CDKL1: variants seen among roughly 807,000 people sequenced by gnomAD.
The protein encoded by CDKL1 is cyclin-dependent kinase-like 1.
In CDKL1, 41 loss-of-function variants were observed where a neutral mutation model predicts 42.0. That is an observed-to-expected ratio of 0.98 (90% CI 0.76 to 1.27). CDKL1 has a LOEUF of 1.27. Among genes scored for constraint, CDKL1 ranks in the 50% most tolerant of loss-of-function variants. The pLI is 0.00. For missense variants in CDKL1, 394 were observed against 428.4 expected (o/e 0.92, Z 0.71); for synonymous variants, 153 against 158.6 (o/e 0.96, Z 0.26).
At position 50,367,621 on chromosome 14, in the gene CDKL1, G is replaced by A. The variant is rs527538315; in HGVS notation, c.169-8472C>T. 7.9e-5 allele frequency among the ~76,000 whole-genome samples: 12 copies of A among 152,302 alleles called. 1 individual carries two copies. In the South Asian group the frequency reaches 1.2e-3, roughly 16 times the overall value. ...TTACAGGCTTACCCAACATGTTCAC[G>A]GTACATACAAGTAAACTTAATAGAC... On this transcript the variant is annotated intron_variant, in intron 2 of 9. Coordinates refer to ENST00000395834, the MANE Select transcript of CDKL1 (RefSeq NM_004196.7).
At chr14:50,340,552 G>A (rs569030218) in intron 6 of CDKL1, among the ~76,000 whole-genome samples, 3 of 152,172 alleles carry the variant, frequency 2.0e-5, no homozygotes, top group Non-Finnish European at 2.9e-5. Flanking sequence ...AAAGCAAGAC[G>A]GACTGAGTGA....
At chr14:50,387,407 C>T (rs746234579) in intron 2 of CDKL1, among the ~76,000 whole-genome samples, 13 of 151,966 alleles carry the variant, frequency 8.6e-5, no homozygotes, top group Non-Finnish European at 1.9e-4. Flanking sequence ...CCTGTAATCC[C>T]AGCTACTCAG....
intron 2 of CDKL1, among the ~76,000 whole-genome samples, chr14:50,360,981 T>C (rs1418399202): frequency 6.6e-6 from 1 of 152,232 alleles, no homozygotes; most frequent in Non-Finnish European, 1.5e-5. Flanking sequence ...CTTTTAGCTA[T>C]CGTGAATAAT....
intron 7 of CDKL1, 145 bp from the exon 8 acceptor site, chr14:50,334,766 T>C (rs2033161791): frequency 3.2e-6 from 2 of 621,386 alleles, no homozygotes; most frequent in East Asian, 2.8e-5. Context: ...CCCAAAACAG[T>C]CTCCCTTTGC....
chr14:50,341,468 G>A (rs917045895), intron 5 of CDKL1, among the ~76,000 whole-genome samples: 19 of 144,608 alleles, frequency 1.3e-4, no homozygotes, highest in African/African-American at 4.5e-4. Context: ...GGGGGGGGGG[G>A]GGGGTTATTT....
At chr14:50,337,617 G>A (rs1424571315) in intron 7 of CDKL1, among the ~76,000 whole-genome samples, 1 of 151,450 alleles carries the variant, frequency 6.6e-6, no homozygotes, top group East Asian at 1.9e-4. Flanking sequence ...TGTCTCCTGA[G>A]TTGCTAGAAT....
Position 50,332,273 on chromosome 14 carries a change from C to T in CDKL1, c.955G>A (p.Glu319Lys), listed in dbSNP as rs763854173. 13 of 1,614,038 alleles carry T rather than the reference C, an allele frequency of 8.1e-6. No individual in the cohort carries two copies. In the East Asian group the frequency reaches 2.9e-4, roughly 36 times the overall value. Residue 319 changes from glutamate to lysine, a missense_variant, in exon 9 of 10, where the codon GAA (glutamate) becomes AAA (lysine). Coordinates refer to ENST00000395834, the MANE Select transcript of CDKL1 (RefSeq NM_004196.7). ...RKSRKHHCFTETSKLQYLPQL... is the reference protein window; with the variant it reads ...RKSRKHHCFTKTSKLQYLPQL... Reference sequence around the variant, plus strand: ...TTTCAAATTATAACCTTGGATGTTTCTGTAAAGCAGTGGTGCTTTCGGCTC... The same window carrying T: ...TTTCAAATTATAACCTTGGATGTTTTTGTAAAGCAGTGGTGCTTTCGGCTC...
chr14:50,339,282 CT>C (rs1267334528), intron 6 of CDKL1, among the ~76,000 whole-genome samples: 4 of 152,162 alleles, frequency 2.6e-5, no homozygotes, highest in Non-Finnish European at 4.4e-5. Flanking sequence ...CTCTCAGGTT[CT>C]TGTTCTCAGA....
At chr14:50,383,512 C>T (rs2034982652) in intron 2 of CDKL1, among the ~76,000 whole-genome samples, 1 of 148,866 alleles carries the variant, frequency 6.7e-6, no homozygotes, top group Non-Finnish European at 1.5e-5. Context: ...GAGATTGTGC[C>T]ACTACACTCC....
intron 6 of CDKL1, among the ~76,000 whole-genome samples, chr14:50,340,692 A>C (rs920035820): frequency 2.6e-5 from 4 of 152,234 alleles, no homozygotes; most frequent in Admixed American, 2.6e-4. Flanking sequence ...CGTCATAAAC[A>C]AGGTAAACCA....
upstream of CDKL1, chr14:50,397,023 G>C (rs1377451268): frequency 8.1e-7 from 1 of 1,234,572 alleles, no homozygotes; most frequent in South Asian, 1.3e-5. Flanking sequence ...AAAGGCCTCG[G>C]AGGGCCGCCC....
At chr14:50,382,059 T>A (rs2034925370) in intron 2 of CDKL1, among the ~76,000 whole-genome samples, 1 of 152,222 alleles carries the variant, frequency 6.6e-6, no homozygotes, top group East Asian at 1.9e-4. Flanking sequence ...TTAAGGTTAA[T>A]AAGCAATAAA....
At chr14:50,380,257 G>A (rs769353399) in intron 2 of CDKL1, 1 of 530,122 alleles carries the variant, frequency 1.9e-6, no homozygotes, top group Non-Finnish European at 3.9e-6. Context: ...AAAATGCAGT[G>A]ATGAGTACCA....
chr14:50,396,321 G>GTCAC lies in CDKL1; in HGVS notation c.-457_-454dup. 1 of 1,008,428 alleles carries GTCAC rather than the reference G, an allele frequency of 9.9e-7. No individual in the cohort carries two copies. 62.5% of individuals were successfully genotyped at this position (1,008,428 alleles called of 1,614,324 possible). On this transcript the variant is annotated 5_prime_UTR_variant, in exon 2 of 10. Transcript: ENST00000395834. The stretch of plus-strand genomic sequence containing the variant: ...GAGCCCCACCCAACGATGAGTGTTT[G>GTCAC]TCACGGTCCTAGAACAGAACAGCAC...
At chr14:50,367,811 C>G (rs1356320813) in intron 2 of CDKL1, among the ~76,000 whole-genome samples, 2 of 152,186 alleles carry the variant, frequency 1.3e-5, no homozygotes, top group African/African-American at 2.4e-5. Flanking sequence ...GTATCACCGT[C>G]CTTCAGTTAA....
At chr14:50,394,588 C>T (rs906389422) in intron 2 of CDKL1, among the ~76,000 whole-genome samples, 1 of 152,194 alleles carries the variant, frequency 6.6e-6, no homozygotes, top group Non-Finnish European at 1.5e-5. Context: ...TTTCATTCAT[C>T]TGTCTCTCAT....
rs1457783597 is a variant in CDKL1 at position 50,332,396 on chromosome 14, A to T, written c.832T>A (p.Cys278Ser). Residue 278 changes from cysteine to serine, a missense_variant, in exon 9 of 10, where the codon TGT becomes AGT. By Grantham distance (112) the Cys-to-Ser change is moderately radical. Transcript: ENST00000395834. ...LHMDPTQRLT[C>S]EQLLHHPYFE... ...TATGGGTGATGCAACAGCTGTTCAC[A>T]TGTCAGCCTTTGAGTAGGGTCCATG... 6.2e-7 allele frequency: 1 copy of T among 1,614,126 alleles called. No individual in the cohort carries two copies.
At chr14:50,359,267 G>A in intron 2 of CDKL1, 118 bp from the exon 3 acceptor site, 2 of 1,206,352 alleles carry the variant, frequency 1.7e-6, no homozygotes, top group Non-Finnish European at 2.3e-6. Flanking sequence ...TAGATTGAAG[G>A]AGGCTGTAAA....
At chr14:50,382,836 G>T (rs2034956402) in intron 2 of CDKL1, among the ~76,000 whole-genome samples, 1 of 152,090 alleles carries the variant, frequency 6.6e-6, no homozygotes, top group Non-Finnish European at 1.5e-5. Context: ...CAAGCGATTT[G>T]CCTGCTTTGG....
Sources: gnomAD v4.1 joint callset for allele counts (sites outside exome capture counted in the v4.1 genomes callset) on GRCh38, gnomAD v4.1.1 for gene constraint, MANE v1.5 for transcripts, NCBI Gene and HGNC (gene_info 2026-07-23, HGNC 2026-07-21) for gene names.